Variants in SLC12A5 observed in about 807,000 individuals in gnomAD.
The protein encoded by SLC12A5 is solute carrier family 12 member 5, also known as K-Cl cotransporter 2.
Under a neutral mutation model 124.0 loss-of-function variants are expected in SLC12A5, and 18 were observed. The observed-to-expected ratio is 0.15, with a 90% confidence interval of 0.10 to 0.22. SLC12A5 has a LOEUF of 0.22. SLC12A5 is among the 10% of genes least tolerant of loss of function. SLC12A5 has a pLI of 1.00. For synonymous variants in SLC12A5, 589 were observed against 568.0 expected, an observed-to-expected ratio of 1.04 and a Z score of -0.53; for missense variants, 867 against 1,478.7, an observed-to-expected ratio of 0.59 and a Z score of 6.78.
At chr20:46,021,948 C>T in intron 1 of SLC12A5, 4 of 1,424,218 alleles carry the variant, frequency 2.8e-6, no homozygotes, top group South Asian at 2.9e-5. Context: ...GGGGCCGGGG[C>T]GGACCGTCTG....
intron 20 of SLC12A5, 38 bp from the exon 21 acceptor site, chr20:46,054,878 C>A: frequency 1.3e-6 from 2 of 1,507,406 alleles, no homozygotes; most frequent in African/African-American, 1.4e-5. Context: ...CCGTGTTCCT[C>A]TCCCCACCCC....
intron 5 of SLC12A5, among the ~76,000 whole-genome samples, 162 bp from the exon 6 acceptor site, chr20:46,037,093 G>C (rs535026025): frequency 1.6e-4 from 25 of 152,102 alleles, no homozygotes; most frequent in Non-Finnish European, 3.2e-4. Context: ...TCCATGCAGA[G>C]TGGTTGCTTG....
intron 1 of SLC12A5, among the ~76,000 whole-genome samples, chr20:46,029,917 C>CGTGTGT (rs34618340): frequency 4.1e-4 from 59 of 143,784 alleles, no homozygotes; most frequent in Non-Finnish European, 5.3e-4. Flanking sequence ...TGTGTGTGTG[C>CGTGTGT]GTGTGTGTGT....
chr20:46,049,640 G>T lies in SLC12A5; in HGVS notation c.2031G>T (p.Leu677=). Residue 677 remains leucine, a synonymous_variant, in exon 17 of 26, where the codon CTG becomes CTT. Transcript: ENST00000243964. ...TKNWRPQLLV[L]VRVDQDQNVV... ...TCTTCAGGCCACAGCTGCTGGTGCTGGTGCGTGTGGACCAAGACCAGAATG... is the reference window on the plus strand; with the variant it reads ...TCTTCAGGCCACAGCTGCTGGTGCTTGTGCGTGTGGACCAAGACCAGAATG... 1 of 1,604,946 alleles carries T rather than the reference G, an allele frequency of 6.2e-7. No homozygotes were observed. The highest frequency in any genetic ancestry group is 8.5e-7 in the Non-Finnish European group (1 of 1,175,866).
intron 8 of SLC12A5, 27 bp from the exon 9 acceptor site, chr20:46,043,126 C>A (rs761533036): frequency 6.2e-7 from 1 of 1,610,076 alleles, no homozygotes. Context: ...TGGCTGGCCT[C>A]CCCCTGAGCA....
intron 6 of SLC12A5, among the ~76,000 whole-genome samples, chr20:46,039,630 C>T (rs989890477): frequency 5.3e-5 from 8 of 152,076 alleles, no homozygotes; most frequent in Admixed American, 2.0e-4. Context: ...CAAAAATTAG[C>T]CAGGGGTGGT....
rs750984148 is a variant in SLC12A5 at position 46,046,321 on chromosome 20, G to A, written c.1689-17G>A. ...CCTTTGCATCTCTGTCTCCCCTGGG[G>A]CCTTCCTGTGTTCCAGGTTCTTCCT... is the stretch of plus-strand genomic sequence containing the variant. On this transcript the variant is annotated splice_polypyrimidine_tract_variant and intron_variant, in intron 13 of 25. Transcript: ENST00000243964. 2 of 1,610,444 alleles carry A rather than the reference G, an allele frequency of 1.2e-6. No individual in the cohort carries two copies. The highest frequency in any genetic ancestry group is 2.2e-5 in the South Asian group (2 of 90,972).
chr20:46,024,742 G>T (rs1206747069), upstream of SLC12A5, among the ~76,000 whole-genome samples: 1 of 152,232 alleles, frequency 6.6e-6, no homozygotes, highest in Admixed American at 6.5e-5. Flanking sequence ...CCTCAAATCT[G>T]CCACTAACCC....
chr20:46,043,580 G>T, intron 9 of SLC12A5, 53 bp from the exon 10 acceptor site: 1 of 1,581,828 alleles, frequency 6.3e-7, no homozygotes, highest in Non-Finnish European at 8.7e-7. Context: ...TTTCTCATCT[G>T]TCTGGTCTCC....
chr20:46,024,851 C>T (rs1268495320), upstream of SLC12A5, among the ~76,000 whole-genome samples: 1 of 152,228 alleles, frequency 6.6e-6, no homozygotes, highest in Non-Finnish European at 1.5e-5. Flanking sequence ...GTTGTTACAA[C>T]TCTGAGATGC....
Position 46,057,294 on chromosome 20 carries a change from G to A in SLC12A5, c.3250G>A (p.Asp1084Asn), listed in dbSNP as rs2084705283. 2 of 1,614,224 alleles carry A rather than the reference G, an allele frequency of 1.2e-6. No individual in the cohort carries two copies. Among genetic ancestry groups the A allele is most frequent in the Non-Finnish European group, 1.7e-6 (2 of 1,180,042 alleles). ...TGGGCCTCCCCGCAACCGCAATGGT[G>A]ATGAAAACTGTATCCTGGAATTAAA... ...MPGPPRNRNGDENYMEFLEVL... is the reference protein window; with the variant it reads ...MPGPPRNRNGNENYMEFLEVL... The change falls in exon 25 of 26, where the codon GAT (aspartate) becomes AAT (asparagine). Residue 1084 changes from aspartate (D) to asparagine (N), a missense_variant. Asp to Asn is a conservative substitution (Grantham distance 23). Around this residue, in one of 9 missense-constraint regions of SLC12A5, gnomAD observed 180 missense variants for 243.6 expected, o/e 0.74. Coordinates refer to ENST00000243964, the MANE Select transcript of SLC12A5 (RefSeq NM_020708.5). This position sits in a 1 kb window ranked among gnomAD's most constrained non-coding sequence, Gnocchi z 7.1.
chr20:46,054,137 A>G (rs1042059543), intron 20 of SLC12A5, among the ~76,000 whole-genome samples: 14 of 152,238 alleles, frequency 9.2e-5, no homozygotes, highest in Non-Finnish European at 2.1e-4. Context: ...GGTACAGCCT[A>G]CTACACACAA....
intron 1 of SLC12A5, among the ~76,000 whole-genome samples, chr20:46,030,629 A>G (rs2084441040): frequency 6.6e-6 from 1 of 152,038 alleles, no homozygotes; most frequent in Admixed American, 6.5e-5. Flanking sequence ...GCTTGACCCT[A>G]TGAGCCTAGA....
Position 46,035,808 on chromosome 20 carries a change from A to G in SLC12A5, c.311A>G (p.Tyr104Cys). 1 of 1,613,700 alleles carries G rather than the reference A, an allele frequency of 6.2e-7. No individual in the cohort carries two copies. Among genetic ancestry groups the G allele is most frequent in the Non-Finnish European group, 8.5e-7 (1 of 1,179,860 alleles). The part of the protein sequence containing the change: ...APRMGTFMGV[Y>C]LPCLQNIFGV... ...CGCATGGGCACCTTCATGGGCGTGT[A>G]CCTGCCGTGCCTGCAGAACATCTTT... The change falls in exon 4 of 26, where the codon TAC (tyrosine) becomes TGC (cysteine). Residue 104 changes from tyrosine (Y) to cysteine (C), a missense_variant. Physicochemically the swap from Tyr to Cys is radical, Grantham distance 194. Transcript: ENST00000243964.
At chr20:46,039,618 T>C (rs2084527689) in intron 6 of SLC12A5, among the ~76,000 whole-genome samples, 1 of 151,948 alleles carries the variant, frequency 6.6e-6, no homozygotes, top group African/African-American at 2.4e-5. Context: ...CTACTAAAAA[T>C]ACAAAAATTA....
intron 10 of SLC12A5, 29 bp downstream of exon 10, chr20:46,043,760 C>T: frequency 6.2e-7 from 1 of 1,613,658 alleles, no homozygotes; most frequent in Non-Finnish European, 8.5e-7. Context: ...CTGGGACCAC[C>T]CTCGGGGGAG....
chr20:46,029,295 C>A lies in SLC12A5; in HGVS notation c.-50C>A. ...AGAGCGGCGAAGGCGGGTAGAGGGG[C>A]GCGGGCGAGGCGGCGCAGCCATCCC... On this transcript the variant is annotated 5_prime_UTR_variant, in exon 1 of 26. Transcript: ENST00000243964. 11 of 1,515,464 alleles carry A rather than the reference C, an allele frequency of 7.3e-6. No homozygotes were observed. Among genetic ancestry groups the A allele is most frequent in the Non-Finnish European group, 9.7e-6 (11 of 1,131,950 alleles). 93.9% of individuals were successfully genotyped at this position (1,515,464 alleles called of 1,614,324 possible).
chr20:46,044,710 G>T, intron 11 of SLC12A5: 1 of 511,900 alleles, frequency 2.0e-6, no homozygotes, highest in South Asian at 2.2e-5. Context: ...TTCTGTAAGG[G>T]AATGCAGTGG....
Position 46,022,943 on chromosome 20 carries a change from G to GGGAGGAGGAGGAGGAGGA in SLC12A5, c.78_95dup (p.Gly27_Gly32dup), listed in dbSNP as rs34923327. The GGGAGGAGGAGGAGGAGGA allele has an allele frequency of 2.5e-3, 897 of 365,734 alleles. 14 individuals carry two copies. Among genetic ancestry groups the GGGAGGAGGAGGAGGAGGA allele is most frequent in the African/African-American group, 0.019 (648 of 34,570 alleles). 22.7% of individuals were successfully genotyped at this position (365,734 alleles called of 1,614,324 possible). ...ATCGGCTTGTAGTGGCCCCAGCGAGGGGAGGAGGAGGAGGAGGAGGAGGAG... is the reference window on the plus strand; with the variant it reads ...ATCGGCTTGTAGTGGCCCCAGCGAGGGGAGGAGGAGGAGGAGGAGGAGGAGGAGGAGGAGGAGGAGGAG... On this transcript the variant is annotated inframe_insertion, in exon 2 of 3. Transcript: ENST00000413737.
Sources: allele counts gnomAD v4.1 joint callset (sites outside exome capture counted in the v4.1 genomes callset), GRCh38; gene constraint gnomAD v4.1.1; regional missense constraint gnomAD v4.1.1; non-coding constraint Gnocchi (gnomAD v3.1); transcripts MANE v1.5; gene names NCBI Gene and HGNC (gene_info 2026-07-23, HGNC 2026-07-21).